Variants in GRIK2 observed in about 807,000 individuals in gnomAD.
The protein encoded by GRIK2 is glutamate ionotropic receptor kainate type subunit 2.
A neutral mutation model predicts 100.3 loss-of-function variants in GRIK2; 32 were observed. The ratio of observed to expected loss-of-function variants is 0.32; its 90% CI spans 0.24 to 0.43. GRIK2 has a LOEUF of 0.43. Among genes scored for constraint, GRIK2 ranks in the 20% least tolerant of loss-of-function variants. GRIK2 has a pLI of 1.00. For synonymous variants in GRIK2, 417 were observed against 389.4 expected (o/e 1.07, Z -0.83); for missense variants, 843 against 1,114.9 (o/e 0.76, Z 3.47).
intron 4 of GRIK2, among the ~76,000 whole-genome samples, chr6:101,648,197 A>T (rs1013246846): frequency 6.6e-6 from 1 of 152,096 alleles, no homozygotes; most frequent in Non-Finnish European, 1.5e-5. Flanking sequence ...TTAGAAGTCT[A>T]TATCTTAGAA....
chr6:101,782,857 C>CT lies in GRIK2; in HGVS notation c.952-16772dup, dbSNP rs1158965622. On this transcript the variant is annotated intron_variant, in intron 7 of 16. Coordinates refer to ENST00000369134, the MANE Select transcript of GRIK2 (RefSeq NM_021956.5). ...TAGCTTTGTGTCCCCACTCAAATCTCTTTTTTTTTTTTTTTTTTTGAGATG... is the reference window on the plus strand; with the variant it reads ...TAGCTTTGTGTCCCCACTCAAATCTCTTTTTTTTTTTTTTTTTTTTGAGATG... 1.0e-2 allele frequency among the ~76,000 whole-genome samples: 1,302 copies of CT among 130,754 alleles called. 19 individuals are homozygous for CT. Among genetic ancestry groups the CT allele is most frequent in the East Asian group, 0.019 (87 of 4,574 alleles). 85.8% of individuals were successfully genotyped at this position (130,754 alleles called of 152,430 possible). A position where few individuals can be genotyped will look rare whatever the true frequency, so the allele number is the denominator to read the frequency against.
intron 14 of GRIK2, among the ~76,000 whole-genome samples, chr6:101,942,810 G>A (rs1273800300): frequency 1.3e-5 from 2 of 152,136 alleles, no homozygotes; most frequent in East Asian, 1.9e-4. Flanking sequence ...GGGAAGCAAA[G>A]CATAAAAGTT....
At chr6:101,794,070 A>G (rs1284030332) in intron 7 of GRIK2, among the ~76,000 whole-genome samples, 1 of 152,162 alleles carries the variant, frequency 6.6e-6, no homozygotes, top group Non-Finnish European at 1.5e-5. Flanking sequence ...AGAAAAGCGC[A>G]GTATTCGGGT....
intron 7 of GRIK2, among the ~76,000 whole-genome samples, chr6:101,750,007 G>C (rs563763707): frequency 6.6e-6 from 1 of 151,222 alleles, no homozygotes; most frequent in Admixed American, 6.6e-5. Flanking sequence ...TAGGGACAGG[G>C]TTTCACCATG....
chr6:101,608,579 T>A (rs1322954751), intron 2 of GRIK2, among the ~76,000 whole-genome samples: 1 of 151,886 alleles, frequency 6.6e-6, no homozygotes. Context: ...CAAAAAACAC[T>A]TATTGAGCAC....
chr6:101,984,002 A>C (rs1370171705), intron 14 of GRIK2, among the ~76,000 whole-genome samples: 1 of 151,766 alleles, frequency 6.6e-6, no homozygotes, highest in East Asian at 1.9e-4. Flanking sequence ...ATTTTGAAGA[A>C]AAAAAGCAAA....
At chr6:101,959,339 G>T (rs117184113) in intron 14 of GRIK2, among the ~76,000 whole-genome samples, 2 of 152,040 alleles carry the variant, frequency 1.3e-5, no homozygotes, top group East Asian at 1.9e-4. Flanking sequence ...AGTCTTAGGA[G>T]AAATTTTCTC....
intron 2 of GRIK2, among the ~76,000 whole-genome samples, chr6:101,499,367 T>A (rs1208659073): frequency 6.6e-6 from 1 of 152,142 alleles, no homozygotes; most frequent in Non-Finnish European, 1.5e-5. Flanking sequence ...GGGAACTTTA[T>A]ATTTTTTTAT....
chr6:101,393,753 G>C lies in GRIK2; in HGVS notation c.-378G>C, dbSNP rs1390925685. 6.6e-6 allele frequency among the ~76,000 whole-genome samples: 1 copy of C among 151,978 alleles called. No homozygotes were observed. The highest frequency in any genetic ancestry group is 1.5e-5 in the Non-Finnish European group (1 of 67,984). The stretch of plus-strand genomic sequence containing the variant: ...GCTGCGCTGGTCGGTCTGGTAGCTG[G>C]GGACTTTTCCGCCCGACCTCCTCCG... On this transcript the variant is annotated 5_prime_UTR_variant, in exon 1 of 17. Transcript: ENST00000369134.
chr6:101,809,961 T>C (rs1387523587), intron 9 of GRIK2, among the ~76,000 whole-genome samples: 1 of 152,010 alleles, frequency 6.6e-6, no homozygotes, highest in Non-Finnish European at 1.5e-5. Context: ...ATCAATCAGA[T>C]TGCCTTATTT....
chr6:101,490,314 A>G (rs879493752), intron 2 of GRIK2, among the ~76,000 whole-genome samples: 1 of 146,444 alleles, frequency 6.8e-6, no homozygotes, highest in Admixed American at 6.8e-5. Context: ...ATATAAGAAA[A>G]CAAAGATATA....
intron 3 of GRIK2, among the ~76,000 whole-genome samples, chr6:101,625,937 G>A (rs1030671032): frequency 6.6e-6 from 1 of 152,252 alleles, no homozygotes; most frequent in African/African-American, 2.4e-5. Flanking sequence ...GTTCATCTGT[G>A]TGTGAGCATA....
intron 14 of GRIK2, among the ~76,000 whole-genome samples, chr6:101,970,714 A>AC (rs1792994408): frequency 6.9e-6 from 1 of 144,240 alleles, no homozygotes; most frequent in African/African-American, 2.9e-5. Flanking sequence ...ACATCTGTAA[A>AC]CATTCTTTCT....
At chr6:101,447,622 G>A (rs1382617249) in intron 2 of GRIK2, among the ~76,000 whole-genome samples, 5 of 151,714 alleles carry the variant, frequency 3.3e-5, no homozygotes, top group African/African-American at 1.2e-4. Context: ...ATTAGAAGGA[G>A]TGTAGCTCCC....
At chr6:101,552,201 A>G (rs577348433) in intron 2 of GRIK2, among the ~76,000 whole-genome samples, 1 of 152,286 alleles carries the variant, frequency 6.6e-6, no homozygotes, top group East Asian at 1.9e-4. Context: ...AATTCCTATC[A>G]TTTGGCAGTT....
At chr6:102,036,256 C>CATATATATAT (rs1481893170) in intron 15 of GRIK2, among the ~76,000 whole-genome samples, 6 of 150,848 alleles carry the variant, frequency 4.0e-5, no homozygotes, top group African/African-American at 1.5e-4. Flanking sequence ...CACACACACA[C>CATATATATAT]ACACATATAT....
At chr6:101,662,400 A>G (rs1421456792) in intron 4 of GRIK2, among the ~76,000 whole-genome samples, 1 of 152,194 alleles carries the variant, frequency 6.6e-6, no homozygotes, top group African/African-American at 2.4e-5. Flanking sequence ...GAGTTTCAAG[A>G]AACTGCCTAG....
At chr6:101,472,259 G>A (rs770741808) in intron 2 of GRIK2, among the ~76,000 whole-genome samples, 5 of 151,572 alleles carry the variant, frequency 3.3e-5, no homozygotes, top group Non-Finnish European at 7.4e-5. Context: ...CAAAAATATT[G>A]CATTTTCAAA....
At chr6:101,483,805 T>C (rs1772664259) in intron 2 of GRIK2, among the ~76,000 whole-genome samples, 1 of 152,176 alleles carries the variant, frequency 6.6e-6, no homozygotes, top group Admixed American at 6.5e-5. Flanking sequence ...CCTGACCTCC[T>C]GACCTCAGTC....
Sources: allele counts gnomAD v4.1 joint callset (sites outside exome capture counted in the v4.1 genomes callset), GRCh38; gene constraint gnomAD v4.1.1; transcripts MANE v1.5; gene names NCBI Gene and HGNC (gene_info 2026-07-23, HGNC 2026-07-21).